Variants in PPP2R2B observed in about 807,000 individuals in gnomAD.
The protein encoded by PPP2R2B is serine/threonine-protein phosphatase 2A 55 kDa regulatory subunit B beta isoform.
In PPP2R2B, 5 loss-of-function variants were observed where a neutral mutation model predicts 46.0. That is an observed-to-expected ratio of 0.11 (90% CI 0.06 to 0.23). The LOEUF is 0.23. PPP2R2B is among the 10% of genes least tolerant of loss of function. The probability of loss-of-function intolerance (pLI) is 1.00; values close to 1 mark genes in which losing one functional copy is unlikely to be tolerated. For synonymous variants in PPP2R2B, 215 were observed against 206.7 expected, an observed-to-expected ratio of 1.04 and a Z score of -0.34; for missense variants, 367 against 575.0, an observed-to-expected ratio of 0.64 and a Z score of 3.70.
chr5:146,832,340 T>C (rs1758993062), intron 2 of PPP2R2B, among the ~76,000 whole-genome samples: 1 of 150,436 alleles, frequency 6.6e-6, no homozygotes, highest in Non-Finnish European at 1.5e-5. Context: ...GCTCCATTCA[T>C]GGTAAGTGCC....
At chr5:146,802,139 G>A (rs1481602446) in intron 2 of PPP2R2B, among the ~76,000 whole-genome samples, 1 of 152,094 alleles carries the variant, frequency 6.6e-6, no homozygotes, top group Non-Finnish European at 1.5e-5. Flanking sequence ...GTAACAATCT[G>A]ACTGAGGAAG....
intron 2 of PPP2R2B, among the ~76,000 whole-genome samples, chr5:146,778,555 A>G (rs1193317336): frequency 1.3e-5 from 2 of 152,098 alleles, no homozygotes; most frequent in Admixed American, 1.3e-4. Context: ...TGTCTTATTC[A>G]TTCTTGGTCT....
intron 7 of PPP2R2B, among the ~76,000 whole-genome samples, chr5:146,615,871 C>T (rs1027359346): frequency 1.3e-5 from 2 of 152,042 alleles, no homozygotes; most frequent in African/African-American, 4.8e-5. Context: ...AATGACTTTA[C>T]AGAAATAGAA....
At chr5:147,070,855 A>G (rs1757570187) in intron 2 of PPP2R2B, among the ~76,000 whole-genome samples, 1 of 152,326 alleles carries the variant, frequency 6.6e-6, no homozygotes, top group East Asian at 1.9e-4. Context: ...ATTTGTATAA[A>G]GCTAGTTAGG....
At chr5:146,927,978 G>A (rs2151819661) in intron 1 of PPP2R2B, among the ~76,000 whole-genome samples, 2 of 152,146 alleles carry the variant, frequency 1.3e-5, no homozygotes, top group Middle Eastern at 3.4e-3. Flanking sequence ...CTGACCTCGT[G>A]ATCCACCCGC....
chr5:146,754,199 C>A (rs1753714921), intron 2 of PPP2R2B, among the ~76,000 whole-genome samples: 1 of 152,136 alleles, frequency 6.6e-6, no homozygotes, highest in Admixed American at 6.5e-5. Context: ...AATAAGCAGA[C>A]CCTTCAACTC....
At chr5:147,027,610 T>G (rs1308134005) in intron 1 of PPP2R2B, among the ~76,000 whole-genome samples, 4 of 136,118 alleles carry the variant, frequency 2.9e-5, no homozygotes, top group African/African-American at 1.1e-4. Context: ...CCCTCCAGCC[T>G]GGCAACAAAG....
rs34864782 is a variant in PPP2R2B, at chr5:146,979,558, AACACACAC to A, written c.79+76099_79+76106del. 5.6e-3 allele frequency among the ~76,000 whole-genome samples: 765 copies of A among 137,336 alleles called. 3 individuals carry two copies. The highest frequency in any genetic ancestry group is 0.019 in the African/African-American group (714 of 37,750). 90.1% of individuals were successfully genotyped at this position (137,336 alleles called of 152,430 possible). A position where few individuals can be genotyped will look rare whatever the true frequency, so the allele number is the denominator to read the frequency against. On this transcript the variant is annotated intron_variant, in intron 1 of 8. Transcript: ENST00000336640. ...CCAATATTGAATCTTCCCACCTTGA[AACACACAC>A]ACACACACACACACACACACACACA...
chr5:146,666,228 A>C (rs1381620825), intron 5 of PPP2R2B, among the ~76,000 whole-genome samples: 1 of 152,186 alleles, frequency 6.6e-6, no homozygotes, highest in Non-Finnish European at 1.5e-5. Flanking sequence ...TCAGTTTTGT[A>C]AACAAAACAA....
intron 8 of PPP2R2B, among the ~76,000 whole-genome samples, chr5:146,595,369 T>C (rs752901775): frequency 3.9e-5 from 6 of 152,228 alleles, no homozygotes; most frequent in Non-Finnish European, 8.8e-5. Context: ...TGCTTTGTGA[T>C]GAACCTTTCC....
intron 6 of PPP2R2B, among the ~76,000 whole-genome samples, chr5:146,640,087 A>G (rs1194413235): frequency 6.6e-6 from 1 of 152,246 alleles, no homozygotes; most frequent in Non-Finnish European, 1.5e-5. Context: ...TAGCACTAAC[A>G]AAGTAATCAT....
chr5:146,867,962 C>G (rs1163775681), intron 2 of PPP2R2B, among the ~76,000 whole-genome samples: 2 of 152,186 alleles, frequency 1.3e-5, no homozygotes, highest in Admixed American at 1.3e-4. Flanking sequence ...TTTATAACCC[C>G]CACCATGGAG....
chr5:146,669,547 T>C (rs886121546), intron 5 of PPP2R2B, among the ~76,000 whole-genome samples: 2 of 152,104 alleles, frequency 1.3e-5, no homozygotes, highest in African/African-American at 4.8e-5. Context: ...ACAAATCTTA[T>C]GGGTGATTTA....
chr5:146,967,332 G>A (rs1383441645), intron 1 of PPP2R2B, among the ~76,000 whole-genome samples: 1 of 152,138 alleles, frequency 6.6e-6, no homozygotes, highest in Admixed American at 6.5e-5. Flanking sequence ...TCACTTCAAA[G>A]ACAAAAATTA....
intron 5 of PPP2R2B, among the ~76,000 whole-genome samples, chr5:146,667,838 G>A (rs1049033382): frequency 6.6e-6 from 1 of 152,110 alleles, no homozygotes; most frequent in East Asian, 1.9e-4. Flanking sequence ...GGCCTCCAAT[G>A]AGTCACTCCA....
intron 1 of PPP2R2B, among the ~76,000 whole-genome samples, chr5:146,898,493 G>A (rs866273498): frequency 5.7e-4 from 87 of 152,006 alleles, no homozygotes; most frequent in African/African-American, 2.0e-3. Flanking sequence ...TTAAAGACTT[G>A]AACATTAGAC....
intron 2 of PPP2R2B, among the ~76,000 whole-genome samples, chr5:146,747,172 A>T (rs1753246449): frequency 6.6e-6 from 1 of 152,216 alleles, no homozygotes; most frequent in African/African-American, 2.4e-5. Context: ...CCCCATTCCT[A>T]ATCATCCTCT....
At chr5:146,645,121 G>A (rs969707141) in intron 6 of PPP2R2B, among the ~76,000 whole-genome samples, 3 of 152,224 alleles carry the variant, frequency 2.0e-5, no homozygotes, top group African/African-American at 7.2e-5. Context: ...AGTACTGAAG[G>A]TAGAAAATAG....
At chr5:147,067,206 A>G (rs943741747) in intron 2 of PPP2R2B, among the ~76,000 whole-genome samples, 1 of 152,134 alleles carries the variant, frequency 6.6e-6, no homozygotes, top group African/African-American at 2.4e-5. Flanking sequence ...CTACTCAGCA[A>G]TTTTCCAGTA....
Sources: allele counts gnomAD v4.1 joint callset (sites outside exome capture counted in the v4.1 genomes callset), GRCh38; gene constraint gnomAD v4.1.1; transcripts MANE v1.5; gene names NCBI Gene and HGNC (gene_info 2026-07-23, HGNC 2026-07-21).